The following VAV2 variants were observed in gnomAD, a reference collection of about 807,000 sequenced individuals.
The protein encoded by VAV2 is guanine nucleotide exchange factor VAV2.
Under a neutral mutation model 132.5 loss-of-function variants are expected in VAV2, and 67 were observed. The ratio of observed to expected loss-of-function variants is 0.51; its 90% CI spans 0.42 to 0.62. The LOEUF is 0.62. Among genes scored for constraint, VAV2 ranks in the 20% least tolerant of loss-of-function variants. The pLI, the probability that VAV2 is intolerant of heterozygous loss-of-function variation, is 0.00. For synonymous variants in VAV2, 492 were observed against 443.5 expected (o/e 1.11, Z -1.37); for missense variants, 938 against 1,153.6 (o/e 0.81, Z 2.71).
intron 2 of VAV2, among the ~76,000 whole-genome samples, chr9:133,931,589 C>T (rs1840690516): frequency 6.6e-6 from 1 of 152,206 alleles, no homozygotes; most frequent in Non-Finnish European, 1.5e-5. Flanking sequence ...GGTGCAAGTG[C>T]ACACTGTCAA....
chr9:133,770,525 A>G (rs1833585828), intron 26 of VAV2, 24 bp from the exon 27 acceptor site: 1 of 1,610,300 alleles, frequency 6.2e-7, no homozygotes, highest in Admixed American at 1.7e-5. Context: ...ACACTCACTG[A>G]CAGCTGCTGC....
chr9:133,862,915 C>T (rs1837654651), intron 2 of VAV2, among the ~76,000 whole-genome samples: 1 of 152,218 alleles, frequency 6.6e-6, no homozygotes. Flanking sequence ...ACCAAGGAGG[C>T]GGCGGCTGAG....
intron 2 of VAV2, among the ~76,000 whole-genome samples, chr9:133,895,647 G>T (rs939786071): frequency 1.3e-5 from 2 of 152,106 alleles, no homozygotes; most frequent in South Asian, 2.1e-4. Flanking sequence ...GGGAAATTTG[G>T]GGGGGATGAG....
In VAV2 at chr9:133,788,911, C is replaced by T. The variant is rs141892782; in HGVS notation, c.1274+347G>A. Reference sequence around the variant, plus strand: ...CCCTGGACAAGCCTGGGCCACCGTGCGCCTGGACACTCTCCGGCAGTCATT... The same window carrying T: ...CCCTGGACAAGCCTGGGCCACCGTGTGCCTGGACACTCTCCGGCAGTCATT... On this transcript the variant is annotated intron_variant, in intron 14 of 29. Transcript: ENST00000371850. The surrounding 1 kb of genome is among the most constrained non-coding windows in gnomAD (Gnocchi z 5.3). Among the ~76,000 whole-genome samples, 1,606 of 152,328 alleles carry T rather than the reference C, an allele frequency of 0.011. 33 individuals are homozygous for T. The highest frequency in any genetic ancestry group is 0.044 in the Admixed American group (671 of 15,306).
chr9:133,871,092 G>GTGGA (rs1274266062), intron 2 of VAV2, among the ~76,000 whole-genome samples: 2 of 150,740 alleles, frequency 1.3e-5, no homozygotes, highest in East Asian at 2.0e-4. Context: ...GCGTGGGTGG[G>GTGGA]TGGATGGATG....
chr9:133,949,186 A>G (rs562154121), intron 1 of VAV2, among the ~76,000 whole-genome samples: 2 of 152,330 alleles, frequency 1.3e-5, no homozygotes, highest in South Asian at 4.1e-4. Flanking sequence ...CGGCACTGGT[A>G]GAGGAAGCCC....
chr9:133,984,907 CAA>C (rs35866348), intron 1 of VAV2, among the ~76,000 whole-genome samples: 39 of 128,696 alleles, frequency 3.0e-4, no homozygotes, highest in Non-Finnish European at 3.2e-4. Flanking sequence ...GGCCCTATCT[CAA>C]AAAAAAAAAA....
intron 4 of VAV2, among the ~76,000 whole-genome samples, chr9:133,818,048 T>C (rs917756289): frequency 6.6e-6 from 1 of 152,020 alleles, no homozygotes; most frequent in African/African-American, 2.4e-5. Context: ...ATCCAATCCA[T>C]TGAGGGCCCA....
At chr9:133,942,117 G>A (rs567331135) in intron 1 of VAV2, among the ~76,000 whole-genome samples, 143 of 152,296 alleles carry the variant, frequency 9.4e-4, no homozygotes, top group African/African-American at 3.2e-3. Flanking sequence ...GAGGAAAACC[G>A]GAGAAGACAC....
intron 2 of VAV2, among the ~76,000 whole-genome samples, chr9:133,929,007 G>A (rs1840580384): frequency 6.6e-6 from 1 of 152,164 alleles, no homozygotes; most frequent in Non-Finnish European, 1.5e-5. Flanking sequence ...CCCAGCCCAT[G>A]AAAACAGGCA....
chr9:133,770,014 CA>C (rs1833563232), intron 27 of VAV2, among the ~76,000 whole-genome samples: 1 of 152,228 alleles, frequency 6.6e-6, no homozygotes, highest in South Asian at 2.1e-4. Context: ...AGAGGAGGCC[CA>C]GGGGCTGGGC....
Position 133,857,113 on chromosome 9 carries a change from A to G in VAV2, c.380+4261T>C, listed in dbSNP as rs72762864. 0.14 allele frequency among the ~76,000 whole-genome samples: 21,569 copies of G among 152,078 alleles called. 1,583 individuals carry two copies. The highest frequency in any genetic ancestry group is 0.16 in the South Asian group (773 of 4,816). On this transcript the variant is annotated intron_variant, in intron 3 of 29. Coordinates refer to ENST00000371850, the MANE Select transcript of VAV2 (RefSeq NM_001134398.2). The surrounding 1 kb of genome is among the most constrained non-coding windows in gnomAD (Gnocchi z 4.0). ...TGGGACCTGACCTCCCAGCCTGAGG[A>G]CACCTTTCGGTTTCCTTCTCAGGAA...
At chr9:133,878,319 T>C (rs1003401655) in intron 2 of VAV2, among the ~76,000 whole-genome samples, 1 of 152,164 alleles carries the variant, frequency 6.6e-6, no homozygotes, top group Non-Finnish European at 1.5e-5. Flanking sequence ...CAGAGCCAAC[T>C]GCGACCCAAG....
chr9:133,805,980 G>A (rs945910406), intron 9 of VAV2, 101 bp downstream of exon 9: 11 of 1,305,324 alleles, frequency 8.4e-6, no homozygotes, highest in African/African-American at 4.4e-5. Context: ...CCCCTGCCTC[G>A]GGACACCCCA....
chr9:133,869,956 G>A (rs1837962172), intron 2 of VAV2, among the ~76,000 whole-genome samples: 1 of 152,182 alleles, frequency 6.6e-6, no homozygotes, highest in Admixed American at 6.5e-5. Flanking sequence ...ATATTCAGAA[G>A]CAAATCATTA....
In VAV2 at chr9:133,897,935, C is replaced by A. The variant is rs1288680348; in HGVS notation, c.322-36503G>T. On this transcript the variant is annotated intron_variant, in intron 2 of 29. Coordinates refer to ENST00000371850, the MANE Select transcript of VAV2 (RefSeq NM_001134398.2). ...CCTCTTCAGAAGCGTCCAGCACCCA[C>A]CAACTTCAGAAAACCTGTGAAGGCA... is the stretch of plus-strand genomic sequence containing the variant. Among the ~76,000 whole-genome samples the A allele has an allele frequency of 2.6e-5, 4 of 152,118 alleles. No individual in the cohort carries two copies. The South Asian group carries it at 6.2e-4, about 24-fold the overall frequency.
chr9:133,820,387 T>C (rs1835740213), intron 4 of VAV2, among the ~76,000 whole-genome samples: 1 of 151,166 alleles, frequency 6.6e-6, no homozygotes, highest in Non-Finnish European at 1.5e-5. Context: ...GCAGTGGCAC[T>C]ATCTCGGCTC....
chr9:133,886,769 A>G (rs925949494), intron 2 of VAV2, among the ~76,000 whole-genome samples: 1 of 152,258 alleles, frequency 6.6e-6, no homozygotes, highest in Non-Finnish European at 1.5e-5. Flanking sequence ...ACACAGGGTC[A>G]GAGCTCTGTT....
At chr9:133,874,661 C>A (rs999835183) in intron 2 of VAV2, among the ~76,000 whole-genome samples, 7 of 152,264 alleles carry the variant, frequency 4.6e-5, no homozygotes, top group African/African-American at 1.7e-4. Context: ...CACACCACCC[C>A]ACTCTCTACA....
Sources: gnomAD v4.1 joint callset for allele counts (sites outside exome capture counted in the v4.1 genomes callset) on GRCh38, gnomAD v4.1.1 for gene constraint, Gnocchi (gnomAD v3.1) non-coding constraint, MANE v1.5 for transcripts, NCBI Gene and HGNC (gene_info 2026-07-23, HGNC 2026-07-21) for gene names.